APBA1: variants seen among roughly 807,000 people sequenced by gnomAD.
APBA1 encodes the protein amyloid-beta A4 precursor protein-binding family A member 1.
A neutral mutation model predicts 86.6 loss-of-function variants in APBA1; 55 were observed. The observed-to-expected ratio is 0.64, with a 90% CI of 0.51 to 0.80. The LOEUF (loss-of-function observed/expected upper bound fraction) is 0.80, where lower values mean the gene tolerates loss of function less well. Among genes scored for constraint, APBA1 ranks in the 30% least tolerant of loss-of-function variants. APBA1 has a pLI of 0.00. For missense variants in APBA1, 1,090 were observed against 1,183.0 expected, an observed-to-expected ratio of 0.92 and a Z score of 1.15; for synonymous variants, 511 against 493.9, an observed-to-expected ratio of 1.03 and a Z score of -0.46.
chr9:69,606,087 C>T (rs1232815926), intron 1 of APBA1, among the ~76,000 whole-genome samples: 6 of 152,240 alleles, frequency 3.9e-5, no homozygotes, highest in Non-Finnish European at 7.3e-5. Context: ...CTCATACTCA[C>T]TAGATTTTAT....
chr9:69,664,771 G>A (rs991211388), intron 1 of APBA1, among the ~76,000 whole-genome samples: 5 of 152,114 alleles, frequency 3.3e-5, no homozygotes, highest in East Asian at 1.9e-4. Context: ...ATAACAGAGC[G>A]TATCTTACAC....
At chr9:69,476,266 A>T in intron 2 of APBA1, 123 bp from the exon 3 acceptor site, 1 of 641,348 alleles carries the variant, frequency 1.6e-6, no homozygotes, top group Non-Finnish European at 2.7e-6. Context: ...TGCAGTGGGG[A>T]GAAAACCTCT....
intron 10 of APBA1, among the ~76,000 whole-genome samples, chr9:69,447,519 C>T (rs1019264520): frequency 5.3e-5 from 8 of 152,296 alleles, no homozygotes; most frequent in Admixed American, 2.0e-4. Context: ...ATGCTGGCAG[C>T]ACCTTCTCCT....
intron 1 of APBA1, among the ~76,000 whole-genome samples, chr9:69,645,655 G>A (rs1002586305): frequency 2.6e-5 from 4 of 152,160 alleles, no homozygotes; most frequent in African/African-American, 7.2e-5. Flanking sequence ...GGGGGAGCTC[G>A]TGCTCTCTTC....
intron 1 of APBA1, among the ~76,000 whole-genome samples, chr9:69,522,788 A>G (rs1413944020): frequency 6.6e-6 from 1 of 152,214 alleles, no homozygotes; most frequent in African/African-American, 2.4e-5. Flanking sequence ...GACATCATCT[A>G]ATAAATGTCC....
intron 3 of APBA1, among the ~76,000 whole-genome samples, chr9:69,473,340 A>C (rs574153187): frequency 5.9e-5 from 9 of 152,358 alleles, no homozygotes; most frequent in Non-Finnish European, 1.3e-4. Flanking sequence ...ATGCAGATGG[A>C]AGCTAGCATC....
intron 1 of APBA1, among the ~76,000 whole-genome samples, chr9:69,559,562 T>C (rs1189597462): frequency 6.6e-6 from 1 of 152,236 alleles, no homozygotes; most frequent in East Asian, 1.9e-4. Flanking sequence ...TATCACTGTG[T>C]ATTCCATGTC....
At chr9:69,597,805 C>T (rs1327793199) in intron 1 of APBA1, among the ~76,000 whole-genome samples, 4 of 152,090 alleles carry the variant, frequency 2.6e-5, no homozygotes, top group African/African-American at 2.4e-5. Flanking sequence ...TCAGGTTTGT[C>T]GAAGATAGGA....
intron 1 of APBA1, among the ~76,000 whole-genome samples, chr9:69,652,179 G>A (rs1044886276): frequency 1.3e-5 from 2 of 152,172 alleles, no homozygotes; most frequent in Non-Finnish European, 2.9e-5. Context: ...GAAAATAAAC[G>A]TCTGTTGTTT....
intron 1 of APBA1, among the ~76,000 whole-genome samples, chr9:69,538,607 C>A (rs1836550952): frequency 6.6e-6 from 1 of 152,210 alleles, no homozygotes; most frequent in Non-Finnish European, 1.5e-5. Flanking sequence ...GCCTGGCACA[C>A]AGTAGGACCT....
intron 1 of APBA1, among the ~76,000 whole-genome samples, chr9:69,614,757 G>A (rs1048780657): frequency 6.6e-6 from 1 of 152,132 alleles, no homozygotes; most frequent in Non-Finnish European, 1.5e-5. Context: ...AGAAACTGAT[G>A]AATTCATGAA....
At chr9:69,489,628 GA>G in intron 2 of APBA1, among the ~76,000 whole-genome samples, 1 of 151,922 alleles carries the variant, frequency 6.6e-6, no homozygotes. Context: ...AAATTTACAA[GA>G]AAAAAGCAAA....
In APBA1 at chr9:69,430,180, C is replaced by G. The variant is rs760758999; in HGVS notation, c.*1147G>C. The G allele has an allele frequency of 2.0e-5, 3 of 152,240 alleles. No homozygotes were observed. The highest frequency in any genetic ancestry group is 4.4e-5 in the Non-Finnish European group (3 of 68,052). The allele number at this position is 152,240 out of a possible 1,614,324, so 9.4% of individuals were successfully genotyped here. A position where few individuals can be genotyped will look rare whatever the true frequency, so the allele number is the denominator to read the frequency against. On this transcript the variant is annotated 3_prime_UTR_variant, in exon 13 of 13. Transcript: ENST00000265381. ...CTGGCCTTTCCAATATCACATCCGC[C>G]TAGTGGCCCTGAGCAGAGAAGAAAG...
At chr9:69,498,722 A>G (rs897555512) in intron 2 of APBA1, among the ~76,000 whole-genome samples, 3 of 152,114 alleles carry the variant, frequency 2.0e-5, no homozygotes, top group Admixed American at 1.3e-4. Context: ...AAATTGTAAG[A>G]TGCACTTTCA....
At chr9:69,670,283 G>A (rs1240012399) in intron 1 of APBA1, among the ~76,000 whole-genome samples, 2 of 151,998 alleles carry the variant, frequency 1.3e-5, no homozygotes, top group East Asian at 3.9e-4. Context: ...TTTTCACAAC[G>A]ATATCATGCA....
chr9:69,506,310 C>T (rs28752276), intron 2 of APBA1, among the ~76,000 whole-genome samples: 22,064 of 148,260 alleles, frequency 0.15, 2,282 homozygotes, highest in East Asian at 0.28. Flanking sequence ...GGGTGACGGA[C>T]ACACCTGGAA....
At chr9:69,606,762 G>A (rs544699378) in intron 1 of APBA1, among the ~76,000 whole-genome samples, 1 of 152,144 alleles carries the variant, frequency 6.6e-6, no homozygotes, top group Admixed American at 6.5e-5. Flanking sequence ...AAAGTGCTGG[G>A]ATTACAGGCT....
chr9:69,511,795 T>C (rs979344710), intron 2 of APBA1, among the ~76,000 whole-genome samples: 2 of 151,826 alleles, frequency 1.3e-5, no homozygotes, highest in African/African-American at 2.4e-5. Flanking sequence ...AAATTGGAAA[T>C]CATCATTCTC....
chr9:69,473,292 G>GT (rs1835392978), intron 3 of APBA1, among the ~76,000 whole-genome samples: 1 of 152,120 alleles, frequency 6.6e-6, no homozygotes, highest in African/African-American at 2.4e-5. Flanking sequence ...ATTCAGGATG[G>GT]TTTAAAGAAA....
Sources: gnomAD v4.1 joint callset for allele counts (sites outside exome capture counted in the v4.1 genomes callset) on GRCh38, gnomAD v4.1.1 for gene constraint, MANE v1.5 for transcripts, NCBI Gene and HGNC (gene_info 2026-07-23, HGNC 2026-07-21) for gene names.